Variants in BRAF observed in about 807,000 individuals in gnomAD.
BRAF encodes serine/threonine-protein kinase B-raf.
Under a neutral mutation model 104.6 loss-of-function variants are expected in BRAF, and 16 were observed. The observed-to-expected ratio is 0.15, with a 90% CI of 0.10 to 0.23. The LOEUF (loss-of-function observed/expected upper bound fraction) is 0.23. BRAF is among the 10% of genes least tolerant of loss of function. BRAF has a pLI of 1.00. For synonymous variants in BRAF, 310 were observed against 341.6 expected, an observed-to-expected ratio of 0.91 and a Z score of 1.02; for missense variants, 541 against 937.3, an observed-to-expected ratio of 0.58 and a Z score of 5.52.
At chr7:140,783,904 C>G (rs1479465220) in intron 10 of BRAF, among the ~76,000 whole-genome samples, 1 of 152,186 alleles carries the variant, frequency 6.6e-6, no homozygotes, top group Non-Finnish European at 1.5e-5. Flanking sequence ...ACTATAAATA[C>G]AAATATTCTA....
At chr7:140,714,732 G>A (rs747667474), downstream of BRAF, among the ~76,000 whole-genome samples, 2 of 152,162 alleles carry the variant, frequency 1.3e-5, no homozygotes, top group African/African-American at 4.8e-5. Flanking sequence ...ATAAGGTTCT[G>A]TTCTCAGAGA....
At chr7:140,785,060 A>T (rs150589921) in intron 10 of BRAF, among the ~76,000 whole-genome samples, 28 of 152,346 alleles carry the variant, frequency 1.8e-4, no homozygotes, top group African/African-American at 6.7e-4. Flanking sequence ...TAAAAGGATA[A>T]ATTCTCAAAT....
chr7:140,898,142 T>G (rs1563024453), intron 1 of BRAF, among the ~76,000 whole-genome samples: 1 of 152,080 alleles, frequency 6.6e-6, no homozygotes. Flanking sequence ...CAGTGAGCTA[T>G]GATCACACTA....
chr7:140,787,815 A>G (rs1369195221), intron 8 of BRAF, among the ~76,000 whole-genome samples: 1 of 152,230 alleles, frequency 6.6e-6, no homozygotes, highest in Non-Finnish European at 1.5e-5. Flanking sequence ...GTCCTAATCA[A>G]ATGTTGATGT....
At chr7:140,794,015 C>A (rs1802272466) in intron 8 of BRAF, among the ~76,000 whole-genome samples, 1 of 152,148 alleles carries the variant, frequency 6.6e-6, no homozygotes, top group Non-Finnish European at 1.5e-5. Flanking sequence ...TCAAGGGCTT[C>A]TATCAGTCCT....
intron 14 of BRAF, among the ~76,000 whole-genome samples, chr7:140,763,242 C>A (rs570444009): frequency 9.9e-5 from 15 of 151,562 alleles, no homozygotes; most frequent in East Asian, 9.8e-4. Context: ...GGGGGCTGAC[C>A]CCCCAACCTC....
At chr7:140,806,398 A>G (rs1462981596) in intron 5 of BRAF, among the ~76,000 whole-genome samples, 1 of 152,192 alleles carries the variant, frequency 6.6e-6, no homozygotes, top group Non-Finnish European at 1.5e-5. Flanking sequence ...ATCCCTAGGT[A>G]AGATATGGTA....
chr7:140,899,864 T>C (rs572391564), intron 1 of BRAF, among the ~76,000 whole-genome samples: 1 of 152,222 alleles, frequency 6.6e-6, no homozygotes, highest in Non-Finnish European at 1.5e-5. Flanking sequence ...ATTGCCTTGC[T>C]TCTAACAAAA....
At chr7:140,899,710 A>T (rs1815382738) in intron 1 of BRAF, among the ~76,000 whole-genome samples, 1 of 152,004 alleles carries the variant, frequency 6.6e-6, no homozygotes, top group South Asian at 2.1e-4. Context: ...TTGTCTTAGA[A>T]ATCTATAGGA....
intron 3 of BRAF, among the ~76,000 whole-genome samples, chr7:140,818,387 A>C (rs901361776): frequency 4.0e-5 from 6 of 149,908 alleles, no homozygotes; most frequent in Non-Finnish European, 8.8e-5. Context: ...ATATTGGCTC[A>C]CTGCAACCTC....
rs1811023451 is a variant in BRAF at position 140,866,887 on chromosome 7, T to C, written c.139-16675A>G. Among the ~76,000 whole-genome samples the C allele has an allele frequency of 2.6e-5, 4 of 152,166 alleles. No homozygotes were observed. In the South Asian group the frequency reaches 8.3e-4, roughly 31 times the overall value. ...GAACAGTATTTTTCAGAGAGCACTT[T>C]GTAAGACAGTGTTTTAAGGATATAA... On this transcript the variant is annotated intron_variant, in intron 1 of 19. Coordinates refer to ENST00000644969, the MANE Select transcript of BRAF (RefSeq NM_001374258.1).
chr7:140,915,329 T>C (rs1206070920), intron 1 of BRAF, among the ~76,000 whole-genome samples: 3 of 152,012 alleles, frequency 2.0e-5, no homozygotes, highest in Non-Finnish European at 2.9e-5. Flanking sequence ...TCTAAAACTA[T>C]AAAGTAAAAA....
intron 1 of BRAF, among the ~76,000 whole-genome samples, chr7:140,866,204 T>G (rs1277028321): frequency 6.6e-6 from 1 of 152,222 alleles, no homozygotes; most frequent in African/African-American, 2.4e-5. Context: ...TTCAGGACTT[T>G]TAATTGTAAG....
intron 1 of BRAF, among the ~76,000 whole-genome samples, chr7:140,888,788 T>C (rs1038979727): frequency 1.3e-5 from 2 of 151,730 alleles, no homozygotes; most frequent in Non-Finnish European, 2.9e-5. Context: ...TGGGCCGAGA[T>C]TGCGCCATTG....
chr7:140,891,495 T>A lies in BRAF; in HGVS notation c.138+33071A>T, dbSNP rs114338921. On this transcript the variant is annotated intron_variant, in intron 1 of 19. Transcript: ENST00000644969. Reference sequence around the variant, plus strand: ...TTGTTATACTGTATTATCTTGTATTTGTATTATTGTATTACTTTTTACTGT... The same window carrying A: ...TTGTTATACTGTATTATCTTGTATTAGTATTATTGTATTACTTTTTACTGT... Among the ~76,000 whole-genome samples the A allele has an allele frequency of 7.7e-3, 1,167 of 152,320 alleles. 18 individuals carry two copies. The highest frequency in any genetic ancestry group is 0.027 in the African/African-American group (1,104 of 41,562).
At chr7:140,779,616 C>T (rs557836847) in intron 12 of BRAF, among the ~76,000 whole-genome samples, 13 of 152,226 alleles carry the variant, frequency 8.5e-5, no homozygotes, top group Middle Eastern at 3.4e-3. Flanking sequence ...TGGAGCATTT[C>T]GGGTTTGGGA....
chr7:140,910,996 A>G (rs932925640), intron 1 of BRAF, among the ~76,000 whole-genome samples: 1 of 152,214 alleles, frequency 6.6e-6, no homozygotes, highest in African/African-American at 2.4e-5. Flanking sequence ...TGAAGAACTC[A>G]GTGCTGTGTA....
chr7:140,744,280 C>G (rs1380484444), intron 17 of BRAF, among the ~76,000 whole-genome samples: 1 of 152,216 alleles, frequency 6.6e-6, no homozygotes, highest in East Asian at 1.9e-4. Flanking sequence ...CTCCAAGGCT[C>G]AGGTGAGCTT....
At chr7:140,903,245 T>C (rs1815877792) in intron 1 of BRAF, among the ~76,000 whole-genome samples, 1 of 152,102 alleles carries the variant, frequency 6.6e-6, no homozygotes, top group African/African-American at 2.4e-5. Flanking sequence ...ATGACTCTTA[T>C]TAGAGGCTAA....
Sources: gnomAD v4.1 joint callset for allele counts (sites outside exome capture counted in the v4.1 genomes callset) on GRCh38, gnomAD v4.1.1 for gene constraint, MANE v1.5 for transcripts, NCBI Gene and HGNC (gene_info 2026-07-23, HGNC 2026-07-21) for gene names.